RAB14: variants seen among roughly 807,000 people sequenced by gnomAD.
RAB14 encodes RAB14, member RAS oncogene family.
In RAB14, 3 loss-of-function variants were observed where a neutral mutation model predicts 31.1. The observed-to-expected ratio is 0.10, with a 90% confidence interval of 0.04 to 0.25. The LOEUF is 0.25. Among genes scored for constraint, RAB14 ranks in the 10% least tolerant of loss-of-function variants. The probability of loss-of-function intolerance (pLI) is 1.00; values close to 1 mark genes in which losing one functional copy is unlikely to be tolerated. For missense variants in RAB14, 111 were observed against 260.1 expected, an observed-to-expected ratio of 0.43 and a Z score of 3.94; for synonymous variants, 85 against 84.9, an observed-to-expected ratio of 1.00 and a Z score of 0.00.
chr9:121,191,107 AT>A (rs2132026167), intron 3 of RAB14, among the ~76,000 whole-genome samples: 1 of 152,260 alleles, frequency 6.6e-6, no homozygotes, highest in Non-Finnish European at 1.5e-5. Context: ...CAGTGACTGG[AT>A]TTGCCCCACT....
Position 121,181,555 on chromosome 9 carries a change from A to G in RAB14, c.489T>C (p.Asp163=), listed in dbSNP as rs563321813. 2 of 1,611,940 alleles carry G rather than the reference A, an allele frequency of 1.2e-6. No homozygotes were observed. Among genetic ancestry groups the G allele is most frequent in the Admixed American group, 1.7e-5 (1 of 59,982 alleles). Residue 163 remains aspartate (D), a synonymous_variant, in exon 8 of 8, where the codon GAT becomes GAC. Coordinates refer to ENST00000373840, the MANE Select transcript of RAB14 (RefSeq NM_016322.4). ...ASAKTGENVE[D]AFLEAAKKIY... is the part of the protein sequence containing the mutation. Reference sequence around the variant, plus strand: ...TTTTCTTGGCAGCCTCAAGGAAGGCATCTTCTACATTCTCTCCCCTAAGAG... The same window carrying G: ...TTTTCTTGGCAGCCTCAAGGAAGGCGTCTTCTACATTCTCTCCCCTAAGAG...
chr9:121,183,169 AAC>A (rs777365337), intron 6 of RAB14, 140 bp downstream of exon 6: 6 of 794,694 alleles, frequency 7.6e-6, no homozygotes, highest in Non-Finnish European at 1.2e-5. Flanking sequence ...CAGAAATAGA[AAC>A]ACATTGTTAC....
chr9:121,194,412 A>T (rs2053704042), intron 1 of RAB14, among the ~76,000 whole-genome samples: 1 of 152,172 alleles, frequency 6.6e-6, no homozygotes, highest in South Asian at 2.1e-4. Flanking sequence ...AAAGAATTCT[A>T]ATTTCTCTTC....
chr9:121,183,454 C>A, intron 5 of RAB14, 56 bp from the exon 6 acceptor site: 1 of 1,362,658 alleles, frequency 7.3e-7, no homozygotes, highest in South Asian at 1.2e-5. Context: ...TTTAAACCAA[C>A]CATGCAAATT....
In RAB14 at chr9:121,178,945, TA is replaced by T. The variant is rs1170887589; in HGVS notation, c.*2450del. On this transcript the variant is annotated 3_prime_UTR_variant, in exon 8 of 8. Transcript: ENST00000373840. The stretch of plus-strand genomic sequence containing the variant: ...TGCCCGGTGTCTGGCACACGCATGT[TA>T]CAATATGACAATCTGCTCTATTTGT... 6.6e-6 allele frequency: 1 copy of T among 152,226 alleles called. No homozygotes were observed. Among genetic ancestry groups the T allele is most frequent in the Admixed American group, 6.5e-5 (1 of 15,280 alleles). The allele number at this position is 152,226 out of a possible 1,614,324, so 9.4% of individuals were successfully genotyped here.
chr9:121,182,788 T>C (rs1318331749), intron 7 of RAB14, 142 bp downstream of exon 7: 9 of 500,394 alleles, frequency 1.8e-5, no homozygotes, highest in Non-Finnish European at 2.3e-5. Flanking sequence ...AAAGAGATGT[T>C]TGCTGTTCTT....
At position 121,190,740 on chromosome 9, in the gene RAB14, G is replaced by A; in HGVS notation, c.107-9C>T. On this transcript the variant is annotated splice_polypyrimidine_tract_variant and intron_variant, in intron 3 of 7. Coordinates refer to ENST00000373840, the MANE Select transcript of RAB14 (RefSeq NM_016322.4). ...AGGACAATCAGCCATAACTGTTAAG[G>A]AGGAAAAAAAGTAATAGCCCAATTT... 4 of 1,609,706 alleles carry A rather than the reference G, an allele frequency of 2.5e-6. No homozygotes were observed. Among genetic ancestry groups the A allele is most frequent in the African/African-American group, 1.3e-5 (1 of 74,642 alleles).
chr9:121,181,318 G>A lies in RAB14; in HGVS notation c.*78C>T. 7.4e-7 allele frequency: 1 copy of A among 1,347,466 alleles called. No individual in the cohort carries two copies. Among genetic ancestry groups the A allele is most frequent in the Non-Finnish European group, 1.0e-6 (1 of 1,002,626 alleles). The allele number at this position is 1,347,466 out of a possible 1,614,324, so 83.5% of individuals were successfully genotyped here. The stretch of plus-strand genomic sequence containing the variant: ...ATTAAACCCAGTAAGATGTACAGAA[G>A]ACAATGAGGCAGTAAAAAGTACTGC... On this transcript the variant is annotated 3_prime_UTR_variant, in exon 8 of 8. Transcript: ENST00000373840.
rs997386355 is a variant in RAB14, at chr9:121,190,637, C to T, written c.201G>A (p.Thr67=). The T allele has an allele frequency of 1.2e-6, 2 of 1,613,304 alleles. No individual in the cohort carries two copies. The highest frequency in any genetic ancestry group is 1.7e-5 in the Admixed American group (1 of 59,862). The part of the protein sequence containing the change: ...GQKIKLQIWD[T]AGQERFRAVT... ...CAGCCCTAAATCGCTCCTGTCCTGCCGTATCCCAAATCTGCAGTTTTATTT... is the reference window on the plus strand; with the variant it reads ...CAGCCCTAAATCGCTCCTGTCCTGCTGTATCCCAAATCTGCAGTTTTATTT... Residue 67 remains threonine, a synonymous_variant, in exon 4 of 8, where the codon ACG becomes ACA. Coordinates refer to ENST00000373840, the MANE Select transcript of RAB14 (RefSeq NM_016322.4).
intron 5 of RAB14, among the ~76,000 whole-genome samples, chr9:121,183,740 G>T (rs1312016151): frequency 6.6e-6 from 1 of 152,054 alleles, no homozygotes; most frequent in Non-Finnish European, 1.5e-5. Context: ...ATCATCCTTA[G>T]TTCACAAGCC....
At chr9:121,189,817 A>G (rs1410049758) in intron 4 of RAB14, among the ~76,000 whole-genome samples, 3 of 152,162 alleles carry the variant, frequency 2.0e-5, no homozygotes, top group Admixed American at 1.3e-4. Flanking sequence ...AAACAGAGTC[A>G]CATTGCTTTT....
At chr9:121,183,862 T>G (rs2053646136) in intron 5 of RAB14, among the ~76,000 whole-genome samples, 7 of 152,204 alleles carry the variant, frequency 4.6e-5, no homozygotes, top group Admixed American at 4.6e-4. Context: ...TAAGGGTTCA[T>G]GGACAAGCTC....
At chr9:121,189,493 C>T (rs2053675427) in intron 4 of RAB14, among the ~76,000 whole-genome samples, 2 of 152,074 alleles carry the variant, frequency 1.3e-5, no homozygotes, top group Admixed American at 6.6e-5. Flanking sequence ...GGCATTAAGG[C>T]TTGTTTCCCT....
At position 121,178,719 on chromosome 9, in the gene RAB14, C is replaced by G. The variant is rs1314641586; in HGVS notation, c.*2677G>C. Reference sequence around the variant, plus strand: ...AAAAATAATAAGTTACTCCATCAAACACGTTATTATCCATAAAAAAGACTT... The same window carrying G: ...AAAAATAATAAGTTACTCCATCAAAGACGTTATTATCCATAAAAAAGACTT... On this transcript the variant is annotated 3_prime_UTR_variant, in exon 8 of 8. Transcript: ENST00000373840. The G allele has an allele frequency of 1.3e-5, 2 of 152,204 alleles. No individual in the cohort carries two copies. The highest frequency in any genetic ancestry group is 2.9e-5 in the Non-Finnish European group (2 of 68,026). The allele number at this position is 152,204 out of a possible 1,614,324, so 9.4% of individuals were successfully genotyped here. A position where few individuals can be genotyped will look rare whatever the true frequency, so the allele number is the denominator to read the frequency against.
chr9:121,197,571 T>C (rs1474811004), intron 1 of RAB14, among the ~76,000 whole-genome samples: 6 of 152,222 alleles, frequency 3.9e-5, no homozygotes, highest in African/African-American at 1.4e-4. Flanking sequence ...ATGCATGGTT[T>C]CTATTTACTG....
At position 121,193,283 on chromosome 9, in the gene RAB14, C is replaced by A. The variant is rs978885530; in HGVS notation, c.52+78G>T. On this transcript the variant is annotated intron_variant, in intron 2 of 7. Coordinates refer to ENST00000373840, the MANE Select transcript of RAB14 (RefSeq NM_016322.4). ...AAAATCACTCAGTCCTGAAGTGGTA[C>A]TGTTTAAGTATTAACATATAAATAT... is the stretch of plus-strand genomic sequence containing the variant. The A allele has an allele frequency of 6.2e-5, 59 of 944,418 alleles. No individual in the cohort carries two copies. The African/African-American group carries it at 9.7e-4, about 16-fold the overall frequency. 58.5% of individuals were successfully genotyped at this position (944,418 alleles called of 1,614,324 possible).
chr9:121,183,831 G>T (rs1002931726), intron 5 of RAB14, among the ~76,000 whole-genome samples: 1 of 152,288 alleles, frequency 6.6e-6, no homozygotes, highest in African/African-American at 2.4e-5. Context: ...CAAAGATTAC[G>T]ATATAGCTGA....
intron 1 of RAB14, among the ~76,000 whole-genome samples, chr9:121,200,783 G>C (rs192096553): frequency 1.3e-4 from 20 of 152,256 alleles, no homozygotes. Flanking sequence ...ACAACTTTAG[G>C]CCTCAGTTTC....
At chr9:121,196,939 T>C (rs776207476) in intron 1 of RAB14, among the ~76,000 whole-genome samples, 4 of 152,194 alleles carry the variant, frequency 2.6e-5, no homozygotes, top group Non-Finnish European at 4.4e-5. Context: ...ATTATCATTA[T>C]GTCCATGCAA....
Sources: gnomAD v4.1 joint callset for allele counts (sites outside exome capture counted in the v4.1 genomes callset) on GRCh38, gnomAD v4.1.1 for gene constraint, MANE v1.5 for transcripts, NCBI Gene and HGNC (gene_info 2026-07-23, HGNC 2026-07-21) for gene names.